The following SEC22C variants were observed in gnomAD, a reference collection of about 807,000 sequenced individuals.
SEC22C encodes SEC22 homolog C, vesicle trafficking protein.
SEC22C carries 29 observed loss-of-function variants against 34.7 expected under a neutral mutation model. That is an observed-to-expected ratio of 0.84 (90% confidence interval 0.62 to 1.14). SEC22C has a LOEUF of 1.14. Among genes scored for constraint, SEC22C ranks in the 50% most tolerant of loss-of-function variants. The pLI is 0.00. For missense variants in SEC22C, 337 were observed against 369.0 expected, an observed-to-expected ratio of 0.91 and a Z score of 0.71; for synonymous variants, 117 against 132.8, an observed-to-expected ratio of 0.88 and a Z score of 0.82.
At chr3:42,567,182 G>C (rs571007612) in intron 2 of SEC22C, among the ~76,000 whole-genome samples, 3 of 152,082 alleles carry the variant, frequency 2.0e-5, no homozygotes, top group Admixed American at 6.5e-5. Context: ...GATTACAGGC[G>C]TGAGCCACTG....
chr3:42,557,733 T>A, intron 4 of SEC22C, 37 bp from the exon 5 acceptor site: 1 of 1,062,772 alleles, frequency 9.4e-7, no homozygotes, highest in Non-Finnish European at 1.4e-6. Context: ...CTAGTGTAAG[T>A]AATTTCTACA....
upstream of SEC22C, among the ~76,000 whole-genome samples, chr3:42,584,762 G>A (rs1330444480): frequency 6.6e-6 from 1 of 152,160 alleles, no homozygotes; most frequent in African/African-American, 2.4e-5. Flanking sequence ...GTCATAACAG[G>A]CACAAAGAAG....
chr3:42,600,705 C>T (rs1402413775), intron 1 of SEC22C: 3 of 251,838 alleles, frequency 1.2e-5, no homozygotes, highest in Non-Finnish European at 2.3e-5. Flanking sequence ...CCGTTAGCGG[C>T]GTTGGGGTTT....
At position 42,563,566 on chromosome 3, in the gene SEC22C, G is replaced by C; in HGVS notation, c.303C>G (p.Thr101=). 4 of 1,614,144 alleles carry C rather than the reference G, an allele frequency of 2.5e-6. No homozygotes were observed. Among genetic ancestry groups the C allele is most frequent in the Non-Finnish European group, 3.4e-6 (4 of 1,179,948 alleles). The part of the protein sequence containing the change: ...WWEFTASYDT[T]CIGLASRPYA... ...ATGGCCTGGAGGCTAGGCCAATGCAGGTAGTGTCATAGGAAGCTGTGAATT... is the reference window on the plus strand; with the variant it reads ...ATGGCCTGGAGGCTAGGCCAATGCACGTAGTGTCATAGGAAGCTGTGAATT... Residue 101 remains threonine, a synonymous_variant, in exon 3 of 7, where the codon ACC becomes ACG. Transcript: ENST00000264454.
At chr3:42,558,860 T>C (rs1702707592) in intron 4 of SEC22C, among the ~76,000 whole-genome samples, 1 of 152,194 alleles carries the variant, frequency 6.6e-6, no homozygotes, top group Non-Finnish European at 1.5e-5. Context: ...AAGGCTTTAT[T>C]TGTAATTGGT....
intron 1 of SEC22C, among the ~76,000 whole-genome samples, chr3:42,594,175 C>T (rs1264303306): frequency 6.6e-6 from 1 of 152,214 alleles, no homozygotes; most frequent in East Asian, 1.9e-4. Flanking sequence ...AAAGATAGAT[C>T]TGGGAGACTA....
intron 1 of SEC22C, among the ~76,000 whole-genome samples, chr3:42,589,350 A>G (rs1704733422): frequency 6.6e-6 from 1 of 152,202 alleles, no homozygotes; most frequent in African/African-American, 2.4e-5. Context: ...AAAGCCCAGT[A>G]AAGCAGATGA....
upstream of SEC22C, chr3:42,582,151 G>GC (rs1164648806): frequency 2.0e-5 from 3 of 152,252 alleles, no homozygotes; most frequent in African/African-American, 7.2e-5. Context: ...GTGTGACGGG[G>GC]GCGCGCGCCT....
intron 2 of SEC22C, chr3:42,565,886 G>A: frequency 2.2e-6 from 1 of 456,152 alleles, no homozygotes; most frequent in South Asian, 1.6e-5. Flanking sequence ...CTGCTCACCT[G>A]TAAGAAAAGA....
chr3:42,556,438 G>A (rs1166355024), intron 5 of SEC22C, among the ~76,000 whole-genome samples: 3 of 152,222 alleles, frequency 2.0e-5, no homozygotes, highest in Non-Finnish European at 4.4e-5. Flanking sequence ...CAAACAAACA[G>A]ACAGTTGGTA....
intron 1 of SEC22C, chr3:42,590,788 C>T (rs1483639641): frequency 2.6e-6 from 3 of 1,155,276 alleles, no homozygotes; most frequent in Admixed American, 3.4e-5. Context: ...AATGACGTCC[C>T]TTCTGTACCC....
chr3:42,555,808 C>T (rs1351736545), intron 6 of SEC22C, 122 bp downstream of exon 6: 3 of 791,152 alleles, frequency 3.8e-6, no homozygotes, highest in East Asian at 2.7e-5. Flanking sequence ...TGGTATTGTC[C>T]ATGATGTGAA....
chr3:42,589,394 A>G (rs1028873179), intron 1 of SEC22C, among the ~76,000 whole-genome samples: 12 of 152,214 alleles, frequency 7.9e-5, no homozygotes, highest in African/African-American at 2.7e-4. Flanking sequence ...ACTCAGGGGA[A>G]TAAAGCTCTA....
intron 1 of SEC22C, among the ~76,000 whole-genome samples, chr3:42,592,064 A>G (rs1704870904): frequency 6.6e-6 from 1 of 152,230 alleles, no homozygotes; most frequent in African/African-American, 2.4e-5. Context: ...AGACAAACAA[A>G]GGATTTACAA....
At chr3:42,575,019 G>A (rs1284146435) in intron 1 of SEC22C, among the ~76,000 whole-genome samples, 4 of 152,054 alleles carry the variant, frequency 2.6e-5, no homozygotes, top group African/African-American at 7.2e-5. Context: ...TTTTTTAAAA[G>A]ATATATTTTG....
Position 42,549,174 on chromosome 3 carries a change from A to G in SEC22C, c.*4074T>C. Reference sequence around the variant, plus strand: ...CAGGGCACAGGTAGAGCGTCCCCAGACCTGTGCAATATTCTACACGAAAAC... The same window carrying G: ...CAGGGCACAGGTAGAGCGTCCCCAGGCCTGTGCAATATTCTACACGAAAAC... On this transcript the variant is annotated 3_prime_UTR_variant, in exon 7 of 7. Transcript: ENST00000264454. 3 of 989,112 alleles carry G rather than the reference A, an allele frequency of 3.0e-6. No homozygotes were observed. The highest frequency in any genetic ancestry group is 3.6e-6 in the Non-Finnish European group (3 of 831,894). The allele number at this position is 989,112 out of a possible 1,614,324, so 61.3% of individuals were successfully genotyped here.
At chr3:42,561,455 A>G (rs1702904419) in intron 3 of SEC22C, among the ~76,000 whole-genome samples, 159 bp from the exon 4 acceptor site, 1 of 152,198 alleles carries the variant, frequency 6.6e-6, no homozygotes, top group African/African-American at 2.4e-5. Flanking sequence ...AACTCACTGC[A>G]GCCTTGACCT....
In SEC22C at chr3:42,560,899, C is replaced by A. The variant is rs561757784; in HGVS notation, c.526+218G>T. ...AAGTGATCCGCCTGACTTGGCCTCC[C>A]AAAGTGCTGAGATTACAGGCATGAG... On this transcript the variant is annotated intron_variant, in intron 4 of 6. Coordinates refer to ENST00000264454, the MANE Select transcript of SEC22C (RefSeq NM_032970.4). 2.0e-5 allele frequency among the ~76,000 whole-genome samples: 3 copies of A among 152,116 alleles called. No individual in the cohort carries two copies. In the South Asian group the frequency reaches 6.2e-4, roughly 32 times the overall value.
At chr3:42,577,718 C>T (rs904092888) in intron 1 of SEC22C, among the ~76,000 whole-genome samples, 1 of 152,102 alleles carries the variant, frequency 6.6e-6, no homozygotes, top group Admixed American at 6.5e-5. Flanking sequence ...GCCTGTAATC[C>T]CAGCACTTTG....
Sources: gnomAD v4.1 joint callset for allele counts (sites outside exome capture counted in the v4.1 genomes callset) on GRCh38, gnomAD v4.1.1 for gene constraint, MANE v1.5 for transcripts, NCBI Gene and HGNC (gene_info 2026-07-23, HGNC 2026-07-21) for gene names.